Variants in MAF observed in about 807,000 individuals in gnomAD.
MAF encodes the protein transcription factor Maf.
In MAF, 10 loss-of-function variants were observed where a neutral mutation model predicts 22.0. The observed-to-expected ratio is 0.45, with a 90% CI of 0.28 to 0.77. The LOEUF is 0.77. Among genes scored for constraint, MAF ranks in the 30% least tolerant of loss-of-function variants. The pLI, the probability that MAF is intolerant of heterozygous loss-of-function variation, is 0.12. For synonymous variants in MAF, 337 were observed against 255.8 expected, an observed-to-expected ratio of 1.32 and a Z score of -3.03; for missense variants, 544 against 548.4, an observed-to-expected ratio of 0.99 and a Z score of 0.08.
chr16:79,461,984 C>T, the MAF span, among the ~76,000 whole-genome samples: 1 of 152,162 alleles, frequency 6.6e-6, no homozygotes, highest in Non-Finnish European at 1.5e-5. Flanking sequence ...TATGAGAAGG[C>T]ACCTGCCACC....
At chr16:79,208,136 G>C in the MAF span, among the ~76,000 whole-genome samples, 2 of 152,146 alleles carry the variant, frequency 1.3e-5, no homozygotes, top group African/African-American at 4.8e-5. Flanking sequence ...AGAGTCCTGG[G>C]TAATTTTACA....
At chr16:79,342,185 G>A in the MAF span, among the ~76,000 whole-genome samples, 2 of 152,162 alleles carry the variant, frequency 1.3e-5, no homozygotes, top group South Asian at 2.1e-4. Flanking sequence ...GGCACACCCG[G>A]GGTCCCAATC....
At chr16:79,480,570 T>C in the MAF span, among the ~76,000 whole-genome samples, 1 of 152,020 alleles carries the variant, frequency 6.6e-6, no homozygotes, top group Non-Finnish European at 1.5e-5. Flanking sequence ...CAGTGCTCTA[T>C]TTGGTACCTG....
chr16:79,226,147 A>C, the MAF span, among the ~76,000 whole-genome samples: 1 of 152,234 alleles, frequency 6.6e-6, no homozygotes, highest in Non-Finnish European at 1.5e-5. Flanking sequence ...CATCAATGAT[A>C]GACTGGATAA....
the MAF span, among the ~76,000 whole-genome samples, chr16:79,483,562 T>C: frequency 3.3e-5 from 5 of 151,848 alleles, no homozygotes; most frequent in African/African-American, 9.7e-5. Flanking sequence ...ATGGGCAAGA[T>C]TGACCAGGTC....
At chr16:79,454,228 G>T in the MAF span, among the ~76,000 whole-genome samples, 6 of 152,162 alleles carry the variant, frequency 3.9e-5, no homozygotes, top group African/African-American at 1.2e-4. Context: ...TATCAGTGTG[G>T]ACCCAGAGCC....
the MAF span, among the ~76,000 whole-genome samples, chr16:79,495,047 C>A: frequency 1.3e-5 from 2 of 152,148 alleles, no homozygotes; most frequent in African/African-American, 4.8e-5. Flanking sequence ...GTGTCACCCC[C>A]CCAGACACCC....
the MAF span, among the ~76,000 whole-genome samples, chr16:79,322,828 C>CAA: frequency 6.6e-5 from 10 of 151,914 alleles, no homozygotes; most frequent in Admixed American, 6.6e-4. Flanking sequence ...CCCCATAGTC[C>CAA]CTGCCAAAGG....
chr16:79,273,197 G>C, the MAF span, among the ~76,000 whole-genome samples: 1 of 152,060 alleles, frequency 6.6e-6, no homozygotes, highest in Non-Finnish European at 1.5e-5. Context: ...TCAACCCCTA[G>C]GGAACCTCCT....
chr16:79,321,801 C>G, the MAF span, among the ~76,000 whole-genome samples: 1 of 151,966 alleles, frequency 6.6e-6, no homozygotes, highest in African/African-American at 2.4e-5. Flanking sequence ...CAGGTGCCCA[C>G]CACCACACCT....
At chr16:79,579,622 G>A in the MAF span, among the ~76,000 whole-genome samples, 1 of 152,120 alleles carries the variant, frequency 6.6e-6, no homozygotes, top group African/African-American at 2.4e-5. Flanking sequence ...GAGTCACAGT[G>A]GCCTGATCCC....
At chr16:79,237,932 G>C in the MAF span, among the ~76,000 whole-genome samples, 34 of 152,222 alleles carry the variant, frequency 2.2e-4, no homozygotes, top group Non-Finnish European at 3.8e-4. Context: ...TCCCATCATG[G>C]TGCATCGTGA....
chr16:79,266,805 C>A, the MAF span, among the ~76,000 whole-genome samples: 7 of 152,162 alleles, frequency 4.6e-5, no homozygotes, highest in Non-Finnish European at 1.0e-4. Flanking sequence ...AGGCACCGAA[C>A]ATGATCCTGC....
the MAF span, among the ~76,000 whole-genome samples, chr16:79,289,303 A>G: frequency 6.6e-6 from 1 of 151,768 alleles, no homozygotes. Flanking sequence ...TGTTTCTGGG[A>G]TGGCGGGAGG....
the MAF span, among the ~76,000 whole-genome samples, chr16:79,546,723 G>A: frequency 2.0e-5 from 3 of 152,094 alleles, no homozygotes; most frequent in South Asian, 2.1e-4. Context: ...CTCAGTTTCC[G>A]CCTCTATAAA....
the MAF span, among the ~76,000 whole-genome samples, chr16:79,429,084 G>A: frequency 1.3e-5 from 2 of 152,166 alleles, no homozygotes; most frequent in South Asian, 2.1e-4. Flanking sequence ...AATGCCGATT[G>A]GAGGTAATTA....
the MAF span, chr16:79,206,404 G>A: frequency 6.6e-6 from 1 of 152,322 alleles, no homozygotes; most frequent in Admixed American, 6.5e-5. Context: ...TTATCTGTAT[G>A]GCTTTGGACG....
chr16:79,223,277 A>T, the MAF span, among the ~76,000 whole-genome samples: 1 of 152,242 alleles, frequency 6.6e-6, no homozygotes, highest in Admixed American at 6.5e-5. Flanking sequence ...TGGGTAAGTA[A>T]CAAAATGAAG....
downstream of MAF, among the ~76,000 whole-genome samples, chr16:79,582,125 T>C (rs1465574850): frequency 6.6e-6 from 1 of 152,210 alleles, no homozygotes; most frequent in East Asian, 1.9e-4. Context: ...CCTGCTGCTT[T>C]AGCTCATTTA....
Sources: allele counts gnomAD v4.1 joint callset (sites outside exome capture counted in the v4.1 genomes callset), GRCh38; gene constraint gnomAD v4.1.1; transcripts MANE v1.5; gene names NCBI Gene and HGNC (gene_info 2026-07-23, HGNC 2026-07-21).